Variants in CCDC88B observed in about 807,000 individuals in gnomAD.
The protein encoded by CCDC88B is coiled-coil and HOOK domain protein 88B.
A neutral mutation model predicts 183.7 loss-of-function variants in CCDC88B; 138 were observed. The ratio of observed to expected loss-of-function variants is 0.75; its 90% CI spans 0.65 to 0.87. The LOEUF (loss-of-function observed/expected upper bound fraction) is 0.87. CCDC88B is among the 40% of genes least tolerant of loss of function. CCDC88B has a pLI of 0.00. For synonymous variants in CCDC88B, 835 were observed against 867.5 expected, an observed-to-expected ratio of 0.96 and a Z score of 0.66; for missense variants, 1,822 against 1,965.6, an observed-to-expected ratio of 0.93 and a Z score of 1.38.
Position 64,342,526 on chromosome 11 carries a change from A to T in CCDC88B, c.908A>T (p.Gln303Leu), listed in dbSNP as rs992906050. 5 of 1,528,452 alleles carry T rather than the reference A, an allele frequency of 3.3e-6. No individual in the cohort carries two copies. The highest frequency in any genetic ancestry group is 2.0e-5 in the Admixed American group (1 of 50,558). 94.7% of individuals were successfully genotyped at this position (1,528,452 alleles called of 1,614,324 possible). ...GCTCCACACCGTCTGGCCCAGGCCC[A>T]GGCGCTGTCGGGACAGGCCAAGCGG... is the stretch of plus-strand genomic sequence containing the variant. The part of the protein sequence containing the change: ...AEIRRLRQEA[Q>L]ALSGQAKRAE... Residue 303 changes from glutamine (Q) to leucine (L), a missense_variant, in exon 10 of 27, where the codon CAG (glutamine) becomes CTG (leucine). By Grantham distance (113) the Gln-to-Leu change is moderately radical. Coordinates refer to ENST00000356786, the MANE Select transcript of CCDC88B (RefSeq NM_032251.6).
chr11:64,342,950 A>G (rs11601860), intron 10 of CCDC88B: 7 of 433,848 alleles, frequency 1.6e-5, no homozygotes, highest in South Asian at 1.0e-4. Flanking sequence ...CATGGACAGA[A>G]GGGCGGGGCC....
chr11:64,342,225 G>A (rs2035895454), intron 8 of CCDC88B, 69 bp from the exon 9 acceptor site: 7 of 1,579,762 alleles, frequency 4.4e-6, no homozygotes, highest in Non-Finnish European at 3.4e-6. Flanking sequence ...GGCTACGGGA[G>A]GGGTCAGGCC....
chr11:64,345,356 G>A (rs913933183), intron 14 of CCDC88B, among the ~76,000 whole-genome samples, 199 bp downstream of exon 14: 2 of 152,152 alleles, frequency 1.3e-5, no homozygotes, highest in African/African-American at 4.8e-5. Context: ...TGATGGGGGC[G>A]CTGTGGGAGG....
At chr11:64,345,269 T>G in intron 14 of CCDC88B, 112 bp downstream of exon 14, 13 of 1,266,252 alleles carry the variant, frequency 1.0e-5, no homozygotes, top group Non-Finnish European at 1.4e-5. Context: ...GAGCTGGGGC[T>G]GGAGATAGAA....
Position 64,354,121 on chromosome 11 carries a change from G to T in CCDC88B, c.4050G>T (p.Gly1350=), listed in dbSNP as rs752497551. Residue 1350 remains glycine, a synonymous_variant, in exon 24 of 27, where the codon GGG becomes GGT. Transcript: ENST00000356786. ...ADGAGSTESL[G]GPPETELPEG... is the part of the protein sequence containing the mutation. ...GGGCTGGCAGCACCGAGAGCCTGGG[G>T]GGCCCCCCGGAGACGGAGCTTCCTG... 10 of 1,378,118 alleles carry T rather than the reference G, an allele frequency of 7.3e-6. No individual in the cohort carries two copies. The highest frequency in any genetic ancestry group is 9.4e-6 in the Non-Finnish European group (10 of 1,059,414). The allele number at this position is 1,378,118 out of a possible 1,614,324, so 85.4% of individuals were successfully genotyped here.
In CCDC88B at chr11:64,341,994, C is replaced by A. The variant is rs142869340; in HGVS notation, c.676C>A (p.Arg226=). The change falls in exon 8 of 27, where the codon CGG becomes AGG. Residue 226 remains arginine (R), a splice_region_variant and synonymous_variant. Coordinates refer to ENST00000356786, the MANE Select transcript of CCDC88B (RefSeq NM_032251.6). The part of the protein sequence containing the change: ...LARERDLGAQ[R]LAELLLEREP... Reference sequence around the variant, plus strand: ...CTGACCCTTGACCCCTGACCTACAGCGGCTGGCTGAACTGCTGCTGGAGCG... The same window carrying A: ...CTGACCCTTGACCCCTGACCTACAGAGGCTGGCTGAACTGCTGCTGGAGCG... The A allele has an allele frequency of 6.4e-5, 103 of 1,612,712 alleles. No homozygotes were observed. Among genetic ancestry groups the A allele is most frequent in the Admixed American group, 1.7e-5 (1 of 59,990 alleles).
Position 64,342,266 on chromosome 11 carries a change from A to G in CCDC88B, c.822-28A>G, listed in dbSNP as rs560681620. 3.9e-5 allele frequency: 61 copies of G among 1,572,764 alleles called. 1 individual carries two copies. The South Asian group carries it at 6.9e-4, about 18-fold the overall frequency. The stretch of plus-strand genomic sequence containing the variant: ...AGGGCTGGGGGTTGTGGGCCCCCAG[A>G]CCCTCCCTAGACTCCCCTTCCCTCC... On this transcript the variant is annotated intron_variant, in intron 8 of 26. Transcript: ENST00000356786.
intron 24 of CCDC88B, among the ~76,000 whole-genome samples, chr11:64,354,674 T>C (rs1402844738): frequency 5.5e-3 from 165 of 30,204 alleles, no homozygotes; most frequent in Admixed American, 9.1e-3. Context: ...TCTGACCCCC[T>C]CCCTGCATGA....
In CCDC88B at chr11:64,344,364, AG is replaced by A; in HGVS notation, c.1826del (p.Gly609ValfsTer33). ...LQSPASVAPP[Q>X]GPGTKIQAPQ... ...AGCCCTGCCTCTGTGGCCCCACCTC[AG>A]GGTCCAGGGACCAAAATTCAGGCCC... On this transcript the variant is annotated frameshift_variant, in exon 14 of 27. Coordinates refer to ENST00000356786, the MANE Select transcript of CCDC88B (RefSeq NM_032251.6). LOFTEE classifies it high-confidence loss of function. This position sits in a 1 kb window ranked among gnomAD's most constrained non-coding sequence, Gnocchi z 4.5. 6.3e-7 allele frequency: 1 copy of A among 1,589,340 alleles called. No individual in the cohort carries two copies. The highest frequency in any genetic ancestry group is 8.6e-7 in the Non-Finnish European group (1 of 1,169,240).
intron 5 of CCDC88B, 40 bp from the exon 6 acceptor site, chr11:64,341,381 G>C: frequency 6.2e-7 from 1 of 1,613,926 alleles, no homozygotes; most frequent in South Asian, 1.1e-5. Flanking sequence ...CGGTAGAGGA[G>C]GGAGATCCTG....
intron 6 of CCDC88B, 30 bp downstream of exon 6, chr11:64,341,534 G>A (rs2135303217): frequency 1.2e-6 from 2 of 1,612,942 alleles, no homozygotes; most frequent in South Asian, 1.1e-5. Context: ...GCCCAGACTG[G>A]TATGGCACCT....
intron 10 of CCDC88B, 135 bp downstream of exon 10, chr11:64,342,815 C>T (rs1381702615): frequency 1.5e-5 from 16 of 1,044,504 alleles, no homozygotes; most frequent in Non-Finnish European, 2.1e-5. Context: ...TGGGTGAGGA[C>T]AAATTCAGGG....
Position 64,353,478 on chromosome 11 carries a change from G to A in CCDC88B, c.3815G>A (p.Arg1272His), listed in dbSNP as rs778531992. Residue 1272 changes from arginine (R) to histidine (H), a missense_variant, in exon 22 of 27, where the codon CGC becomes CAC. Physicochemically the swap from Arg to His is conservative, Grantham distance 29. Transcript: ENST00000356786. The stretch of plus-strand genomic sequence containing the variant: ...CTGGAGAGTCGGGACCACCTGCACC[G>A]CGAACAGCGGGAGTACCTGTGAGTG... Reference protein sequence around the residue: ...RSLESRDHLHREQREYLDQLN... With the variant: ...RSLESRDHLHHEQREYLDQLN... 51 of 1,611,750 alleles carry A rather than the reference G, an allele frequency of 3.2e-5. No individual in the cohort carries two copies. Among genetic ancestry groups the A allele is most frequent in the East Asian group, 2.9e-4 (13 of 44,884 alleles).
chr11:64,347,278 C>T (rs960942219), intron 14 of CCDC88B, among the ~76,000 whole-genome samples: 4 of 152,198 alleles, frequency 2.6e-5, no homozygotes, highest in Non-Finnish European at 4.4e-5. Flanking sequence ...TGGGCAGCCA[C>T]TGAAGGCTCC....
Position 64,340,800 on chromosome 11 carries a change from G to A in CCDC88B, c.206+48G>A, listed in dbSNP as rs544170458. On this transcript the variant is annotated intron_variant, in intron 2 of 26. Coordinates refer to ENST00000356786, the MANE Select transcript of CCDC88B (RefSeq NM_032251.6). ...GGTGGCGGGGAAGGATCTGAGAGGAGGGGAAGCGGGTGGGCGGAGCCTGAT... is the reference window on the plus strand; with the variant it reads ...GGTGGCGGGGAAGGATCTGAGAGGAAGGGAAGCGGGTGGGCGGAGCCTGAT... 15 of 1,564,292 alleles carry A rather than the reference G, an allele frequency of 9.6e-6. No homozygotes were observed. The East Asian group carries it at 2.9e-4, about 30-fold the overall frequency.
rs374358386 is a variant in CCDC88B, at chr11:64,344,571, C to G, written c.2030C>G (p.Ala677Gly). 2.4e-5 allele frequency: 39 copies of G among 1,607,078 alleles called. No homozygotes were observed. The highest frequency in any genetic ancestry group is 3.2e-5 in the Non-Finnish European group (38 of 1,176,792). ...NQGLDLATGQ[A>G]EAREHDQRLE... ...GGCCTGGACCTGGCCACGGGACAAG[C>G]AGAGGCCAGAGAGCATGACCAGAGG... Residue 677 changes from alanine to glycine, a missense_variant, in exon 14 of 27, where the codon GCA becomes GGA. Physicochemically the swap from Ala to Gly is moderately conservative, Grantham distance 60. Coordinates refer to ENST00000356786, the MANE Select transcript of CCDC88B (RefSeq NM_032251.6). This position sits in a 1 kb window ranked among gnomAD's most constrained non-coding sequence, Gnocchi z 4.5.
chr11:64,348,794 G>A, intron 14 of CCDC88B: 2 of 571,250 alleles, frequency 3.5e-6, no homozygotes, highest in South Asian at 4.2e-5. Flanking sequence ...CTTCCAAAGT[G>A]GTGCAGCCCA....
rs957872352 is a variant in CCDC88B, at chr11:64,351,250, C to T, written c.2953C>T (p.Arg985Cys). 70 of 1,524,256 alleles carry T rather than the reference C, an allele frequency of 4.6e-5. No homozygotes were observed. Among genetic ancestry groups the T allele is most frequent in the Admixed American group, 1.1e-4 (5 of 45,550 alleles). 94.4% of individuals were successfully genotyped at this position (1,524,256 alleles called of 1,614,324 possible). Residue 985 changes from arginine (R) to cysteine (C), a missense_variant, in exon 17 of 27, where the codon CGC becomes TGC. Arg to Cys is a radical substitution (Grantham distance 180). Transcript: ENST00000356786. The stretch of plus-strand genomic sequence containing the variant: ...GAATGTGCGGCTTATTGAGGTGGAG[C>T]GCAGTGTGAGTGTGGGCCCACAGTG... ...TQNVRLIEVERSNAMLVAEKA... is the reference protein window; with the variant it reads ...TQNVRLIEVECSNAMLVAEKA...
At chr11:64,349,707 C>T (rs1233510938) in intron 16 of CCDC88B, 39 bp downstream of exon 16, 1 of 1,534,104 alleles carries the variant, frequency 6.5e-7, no homozygotes, top group Admixed American at 1.9e-5. Context: ...GCCATGCCAC[C>T]CTGCCCTCCA....
Sources: gnomAD v4.1 joint callset for allele counts (sites outside exome capture counted in the v4.1 genomes callset) on GRCh38, gnomAD v4.1.1 for gene constraint, Gnocchi (gnomAD v3.1) non-coding constraint, MANE v1.5 for transcripts, NCBI Gene and HGNC (gene_info 2026-07-23, HGNC 2026-07-21) for gene names.